LRFN5: variants seen among roughly 807,000 people sequenced by gnomAD.
LRFN5 encodes the protein leucine-rich repeat and fibronectin type-III domain-containing protein 5.
LRFN5 carries 24 observed loss-of-function variants against 45.6 expected under a neutral mutation model. That is an observed-to-expected ratio of 0.53 (90% CI 0.38 to 0.74). The LOEUF (loss-of-function observed/expected upper bound fraction) is 0.74, where lower values mean the gene tolerates loss of function less well. Among genes scored for constraint, LRFN5 ranks in the 30% least tolerant of loss-of-function variants. LRFN5 has a pLI of 0.00. For synonymous variants in LRFN5, 340 were observed against 313.8 expected (o/e 1.08, Z -0.88); for missense variants, 776 against 861.5 (o/e 0.90, Z 1.24).
intron 1 of LRFN5, among the ~76,000 whole-genome samples, chr14:41,744,611 C>A (rs888676385): frequency 6.6e-6 from 1 of 152,042 alleles, no homozygotes; most frequent in Non-Finnish European, 1.5e-5. Flanking sequence ...AACACACACA[C>A]GCACACCATA....
intron 2 of LRFN5, among the ~76,000 whole-genome samples, chr14:41,775,093 C>CTTTTTCTTT (rs1308711451): frequency 8.9e-6 from 1 of 112,492 alleles, no homozygotes; most frequent in Non-Finnish European, 1.7e-5. Context: ...TTTTCTTTTT[C>CTTTTTCTTT]TTTTTTTTTT....
chr14:41,824,207 T>A (rs970894756), intron 2 of LRFN5, among the ~76,000 whole-genome samples: 29 of 152,218 alleles, frequency 1.9e-4, no homozygotes, highest in African/African-American at 6.5e-4. Flanking sequence ...TAGAGAGCTG[T>A]TATGGTTATT....
intron 1 of LRFN5, among the ~76,000 whole-genome samples, chr14:41,741,216 G>T (rs61992389): frequency 0.17 from 25,306 of 151,456 alleles, 2,339 homozygotes; most frequent in Admixed American, 0.21. Flanking sequence ...TAGAATAAAA[G>T]TCTAATAGAA....
At chr14:41,726,692 C>G (rs1329114016) in intron 1 of LRFN5, among the ~76,000 whole-genome samples, 7 of 151,986 alleles carry the variant, frequency 4.6e-5, no homozygotes, top group Admixed American at 4.6e-4. Flanking sequence ...ACAGTTTTCT[C>G]TGTTACAGGT....
At chr14:41,612,572 A>G (rs552030838) in intron 1 of LRFN5, among the ~76,000 whole-genome samples, 3 of 152,274 alleles carry the variant, frequency 2.0e-5, no homozygotes, top group Non-Finnish European at 4.4e-5. Context: ...AATCATTCCA[A>G]TGACACACAT....
intron 1 of LRFN5, among the ~76,000 whole-genome samples, chr14:41,652,236 C>T (rs751010639): frequency 2.2e-4 from 33 of 151,834 alleles, no homozygotes; most frequent in Non-Finnish European, 4.3e-4. Flanking sequence ...TATAATCTTT[C>T]AACATCATAT....
intron 4 of LRFN5, among the ~76,000 whole-genome samples, chr14:41,897,113 T>A (rs958937859): frequency 6.7e-6 from 1 of 149,894 alleles, no homozygotes; most frequent in African/African-American, 2.4e-5. Context: ...AATAAATAAA[T>A]AAATAAATAA....
At chr14:41,766,745 C>G (rs1163659131) in intron 1 of LRFN5, 109 bp from the exon 2 acceptor site, 3 of 152,228 alleles carry the variant, frequency 2.0e-5, no homozygotes, top group African/African-American at 7.2e-5. Flanking sequence ...GCATGATACT[C>G]CTGCTGTAGT....
chr14:41,772,990 T>C (rs965419449), intron 2 of LRFN5, among the ~76,000 whole-genome samples: 3 of 152,194 alleles, frequency 2.0e-5, no homozygotes, highest in Non-Finnish European at 2.9e-5. Context: ...CCCAGCGATG[T>C]ATCTATTTTG....
Position 41,637,772 on chromosome 14 carries a change from G to A in LRFN5, c.-197+29210G>A, listed in dbSNP as rs532518709. Among the ~76,000 whole-genome samples, 6 of 152,098 alleles carry A rather than the reference G, an allele frequency of 3.9e-5. No individual in the cohort carries two copies. In the South Asian group the frequency reaches 1.0e-3, roughly 26 times the overall value. The stretch of plus-strand genomic sequence containing the variant: ...TAAGAGCTTCTTGATTTGCATTTTT[G>A]TTAAGCACCAGGGATATGACCGCAT... On this transcript the variant is annotated intron_variant, in intron 1 of 5. Transcript: ENST00000298119.
At position 41,887,284 on chromosome 14, in the gene LRFN5, A is replaced by G; in HGVS notation, c.659A>G (p.Gln220Arg). Residue 220 changes from glutamine to arginine, a missense_variant, in exon 3 of 6, where the codon CAG (glutamine) becomes CGG (arginine). Coordinates refer to ENST00000298119, the MANE Select transcript of LRFN5 (RefSeq NM_152447.5). The surrounding 1 kb of genome is among the most constrained non-coding windows in gnomAD (Gnocchi z 4.8). Reference sequence around the variant, plus strand: ...CCTGACCCTCTCTTTCAGCGAGCTCAGGTACTAGCAACCTCAGGAATCATA... The same window carrying G: ...CCTGACCCTCTCTTTCAGCGAGCTCGGGTACTAGCAACCTCAGGAATCATA... ...LPPDPLFQRAQVLATSGIISP... is the reference protein window; with the variant it reads ...LPPDPLFQRARVLATSGIISP... 1 of 1,614,222 alleles carries G rather than the reference A, an allele frequency of 6.2e-7. No homozygotes were observed. Among genetic ancestry groups the G allele is most frequent in the Non-Finnish European group, 8.5e-7 (1 of 1,180,034 alleles).
At chr14:41,806,760 A>T (rs1594426546) in intron 2 of LRFN5, among the ~76,000 whole-genome samples, 1 of 152,268 alleles carries the variant, frequency 6.6e-6, no homozygotes, top group East Asian at 1.9e-4. Flanking sequence ...CAGGAAGTAC[A>T]CCTGCCTGCT....
intron 2 of LRFN5, among the ~76,000 whole-genome samples, chr14:41,812,518 A>G (rs917446230): frequency 4.0e-5 from 6 of 151,864 alleles, no homozygotes; most frequent in African/African-American, 1.2e-4. Context: ...ATGGACAAAG[A>G]TTATTCTCAA....
intron 2 of LRFN5, among the ~76,000 whole-genome samples, chr14:41,781,938 G>A (rs1470097020): frequency 2.0e-5 from 3 of 151,926 alleles, no homozygotes; most frequent in African/African-American, 7.2e-5. Flanking sequence ...CAAATAAGCT[G>A]CTTTTCCCTC....
Position 41,607,511 on chromosome 14 carries a change from T to C in LRFN5, c.-1248T>C, listed in dbSNP as rs2138528003. Reference sequence around the variant, plus strand: ...TGTCTCTAGTGTTTTGTAAGCCGCTTTCCAGCTAGCTGCGTGTGTGTGTGC... The same window carrying C: ...TGTCTCTAGTGTTTTGTAAGCCGCTCTCCAGCTAGCTGCGTGTGTGTGTGC... On this transcript the variant is annotated 5_prime_UTR_variant, in exon 1 of 6. Coordinates refer to ENST00000298119, the MANE Select transcript of LRFN5 (RefSeq NM_152447.5). 6.6e-6 allele frequency: 1 copy of C among 152,318 alleles called. No homozygotes were observed. The highest frequency in any genetic ancestry group is 1.9e-4 in the East Asian group (1 of 5,154). The allele number at this position is 152,318 out of a possible 1,614,324, so 9.4% of individuals were successfully genotyped here.
At chr14:41,635,597 C>T (rs928102119) in intron 1 of LRFN5, among the ~76,000 whole-genome samples, 18 of 151,988 alleles carry the variant, frequency 1.2e-4, no homozygotes, top group Non-Finnish European at 1.8e-4. Context: ...TGTTAGGAAT[C>T]CAGAAAAATA....
intron 5 of LRFN5, among the ~76,000 whole-genome samples, chr14:41,903,424 G>A (rs1278382266): frequency 6.6e-6 from 1 of 151,304 alleles, no homozygotes; most frequent in Non-Finnish European, 1.5e-5. Context: ...TCATGTATAT[G>A]AAAGCATATA....
At chr14:41,857,347 T>G (rs1889506117) in intron 2 of LRFN5, among the ~76,000 whole-genome samples, 1 of 152,142 alleles carries the variant, frequency 6.6e-6, no homozygotes, top group Admixed American at 6.5e-5. Flanking sequence ...ACTGTTTCCC[T>G]GGAAACAGAA....
chr14:41,630,274 G>A (rs1350365664), intron 1 of LRFN5, among the ~76,000 whole-genome samples: 1 of 152,036 alleles, frequency 6.6e-6, no homozygotes, highest in Non-Finnish European at 1.5e-5. Flanking sequence ...GCATTCCTCT[G>A]GATTAAATCA....
Sources: gnomAD v4.1 joint callset for allele counts (sites outside exome capture counted in the v4.1 genomes callset) on GRCh38, gnomAD v4.1.1 for gene constraint, Gnocchi (gnomAD v3.1) non-coding constraint, MANE v1.5 for transcripts, NCBI Gene and HGNC (gene_info 2026-07-23, HGNC 2026-07-21) for gene names.